Variants in HAO2 observed in about 807,000 individuals in gnomAD.
The protein encoded by HAO2 is hydroxyacid oxidase 2.
In HAO2, 42 loss-of-function variants were observed where a neutral mutation model predicts 37.4. The ratio of observed to expected loss-of-function variants is 1.12; its 90% CI spans 0.88 to 1.45. The LOEUF is 1.45. Ranked by LOEUF, HAO2 falls within the 40% of genes most tolerant of loss-of-function variation. The pLI is 0.00. For missense variants in HAO2, 476 were observed against 430.2 expected (o/e 1.11, Z -0.94); for synonymous variants, 180 against 162.8 (o/e 1.11, Z -0.81).
chr1:119,392,144 A>G lies in HAO2; in HGVS notation c.806A>G (p.Lys269Arg). 6.2e-7 allele frequency: 1 copy of G among 1,613,272 alleles called. No individual in the cohort carries two copies. Among genetic ancestry groups the G allele is most frequent in the Non-Finnish European group, 8.5e-7 (1 of 1,179,464 alleles). ...DALTEVVAAVKGKIEVYLDGG... is the reference protein window; with the variant it reads ...DALTEVVAAVRGKIEVYLDGG... ...TTGACAGAAGTGGTGGCTGCTGTAA[A>G]GGGGAAAATTGAAGTCTACCTGGAT... The change falls in exon 6 of 8, where the codon AAG becomes AGG. Residue 269 changes from lysine to arginine, a missense_variant. Transcript: ENST00000325945.
intron 1 of HAO2, among the ~76,000 whole-genome samples, chr1:119,369,239 C>T (rs1035740868): frequency 5.3e-5 from 8 of 152,172 alleles, no homozygotes; most frequent in Admixed American, 1.3e-4. Context: ...TTGCTATTGC[C>T]TTCAGGGATA....
Position 119,381,092 on chromosome 1 carries a change from T to C in HAO2, c.7T>C (p.Leu3=). MS[L]VCLTDFQAHA... ...CTCCTTGGAAGGTCCAGAAATGTCC[T>C]TGGTGTGTTTGACAGACTTTCAGGC... Residue 3 remains leucine, a synonymous_variant, in exon 2 of 8, where the codon TTG becomes CTG. Coordinates refer to ENST00000325945, the MANE Select transcript of HAO2 (RefSeq NM_016527.4). The C allele has an allele frequency of 6.2e-7, 1 of 1,613,556 alleles. No homozygotes were observed. The highest frequency in any genetic ancestry group is 8.5e-7 in the Non-Finnish European group (1 of 1,179,448).
At chr1:119,385,306 G>T (rs587642384) in intron 4 of HAO2, 8 of 985,192 alleles carry the variant, frequency 8.1e-6, no homozygotes, top group African/African-American at 1.7e-5. Flanking sequence ...AAGTGTTCTG[G>T]CCAGAGCTGG....
intron 4 of HAO2, chr1:119,385,853 AT>A: frequency 2.0e-6 from 2 of 985,022 alleles, no homozygotes; most frequent in Non-Finnish European, 1.2e-6. Context: ...CCAGAAGCAC[AT>A]TGAGATTTAT....
intron 4 of HAO2, 95 bp downstream of exon 4, chr1:119,385,148 T>G: frequency 2.0e-6 from 3 of 1,506,710 alleles, no homozygotes; most frequent in Non-Finnish European, 2.7e-6. Context: ...TCCACAGGCA[T>G]TTATCGAACA....
intron 1 of HAO2, among the ~76,000 whole-genome samples, chr1:119,379,184 C>T (rs961854254): frequency 2.0e-5 from 3 of 152,166 alleles, no homozygotes; most frequent in Admixed American, 2.0e-4. Flanking sequence ...CCTACCTGAG[C>T]AGGTCAGTAG....
At chr1:119,375,720 C>CA (rs1353418102) in intron 1 of HAO2, among the ~76,000 whole-genome samples, 1 of 152,128 alleles carries the variant, frequency 6.6e-6, no homozygotes, top group Admixed American at 6.5e-5. Flanking sequence ...GAAGGGGCCT[C>CA]ACAATTATGG....
At chr1:119,389,455 C>A (rs1557856156) in intron 5 of HAO2, among the ~76,000 whole-genome samples, 1 of 151,280 alleles carries the variant, frequency 6.6e-6, no homozygotes, top group Admixed American at 6.6e-5. Flanking sequence ...ACATGAACAT[C>A]TATTATTTTT....
rs1649669484 is a variant in HAO2, at chr1:119,378,589, T to C, written c.-8-2489T>C. 3.9e-5 allele frequency among the ~76,000 whole-genome samples: 6 copies of C among 152,294 alleles called. No homozygotes were observed. In the South Asian group the frequency reaches 1.0e-3, roughly 26 times the overall value. On this transcript the variant is annotated intron_variant, in intron 1 of 7. Transcript: ENST00000325945. ...GAAGAGGTATCGAAATGAGATAAAA[T>C]AGTGTTTGTTATATATAAGATGCTA...
intron 4 of HAO2, chr1:119,385,770 C>A (rs587769810): frequency 2.0e-6 from 2 of 985,228 alleles, no homozygotes; most frequent in Non-Finnish European, 2.4e-6. Flanking sequence ...ACTGTGACAC[C>A]AAGCCAAGTA....
intron 1 of HAO2, chr1:119,370,251 G>A (rs1158468298): frequency 2.0e-5 from 3 of 152,224 alleles, no homozygotes; most frequent in African/African-American, 7.2e-5. Context: ...AAGCAACAGC[G>A]AAATGTTAAG....
intron 7 of HAO2, 106 bp downstream of exon 7, chr1:119,392,793 C>A: frequency 1.3e-6 from 1 of 794,718 alleles, no homozygotes. Flanking sequence ...TGGTAGCTGT[C>A]CAAAAGATAG....
intron 1 of HAO2, among the ~76,000 whole-genome samples, chr1:119,371,194 C>G (rs1162200890): frequency 3.3e-5 from 5 of 152,172 alleles, no homozygotes; most frequent in Non-Finnish European, 5.9e-5. Context: ...ACATTGGAAA[C>G]AAGTCAGAAG....
chr1:119,390,703 G>A (rs1213775617), intron 5 of HAO2, among the ~76,000 whole-genome samples: 2 of 152,190 alleles, frequency 1.3e-5, no homozygotes, highest in Non-Finnish European at 2.9e-5. Flanking sequence ...TAATAGGACA[G>A]AACAGGACAT....
chr1:119,382,815 T>G, intron 2 of HAO2, 100 bp from the exon 3 acceptor site: 1 of 1,127,812 alleles, frequency 8.9e-7, no homozygotes, highest in Non-Finnish European at 1.3e-6. Context: ...CCCTGTCTGG[T>G]TTAGACTTGT....
At position 119,392,271 on chromosome 1, in the gene HAO2, G is replaced by A. The variant is rs759760659; in HGVS notation, c.930+3G>A. On this transcript the variant is annotated splice_donor_region_variant and intron_variant, in intron 6 of 7. Coordinates refer to ENST00000325945, the MANE Select transcript of HAO2 (RefSeq NM_016527.4). ...TCCTATGGGGCCTTGCCTGCAAGGT[G>A]AGAGTGGCAAAGCAAACCAGCAAGA... The A allele has an allele frequency of 3.7e-6, 6 of 1,605,686 alleles. No individual in the cohort carries two copies. The South Asian group carries it at 5.5e-5, about 15-fold the overall frequency.
chr1:119,390,259 T>C (rs1190541080), intron 5 of HAO2, among the ~76,000 whole-genome samples: 1 of 148,100 alleles, frequency 6.8e-6, no homozygotes, highest in Non-Finnish European at 1.5e-5. Context: ...TATTTGGATT[T>C]ATTTTTTTTT....
At chr1:119,371,265 C>T (rs1054228077) in intron 1 of HAO2, among the ~76,000 whole-genome samples, 3 of 152,186 alleles carry the variant, frequency 2.0e-5, no homozygotes, top group Non-Finnish European at 4.4e-5. Context: ...GTGAATTATC[C>T]GAGCTTTAAT....
At position 119,383,074 on chromosome 1, in the gene HAO2, C is replaced by T. The variant is rs369601719; in HGVS notation, c.283+8C>T. ...AAATGAGCACAGCAAGAGGTATGAA[C>T]CATCCCCACCTCGAGGCTCCTTTCC... On this transcript the variant is annotated splice_region_variant and intron_variant, in intron 3 of 7. Transcript: ENST00000325945. 1 of 1,605,834 alleles carries T rather than the reference C, an allele frequency of 6.2e-7. No individual in the cohort carries two copies. Among genetic ancestry groups the T allele is most frequent in the South Asian group, 1.1e-5 (1 of 89,874 alleles).
Sources: allele counts gnomAD v4.1 joint callset (sites outside exome capture counted in the v4.1 genomes callset), GRCh38; gene constraint gnomAD v4.1.1; transcripts MANE v1.5; gene names NCBI Gene and HGNC (gene_info 2026-07-23, HGNC 2026-07-21).